The following KCNH1 variants were observed in gnomAD, a reference collection of about 807,000 sequenced individuals.
KCNH1 encodes the protein potassium voltage-gated channel subfamily H member 1.
In KCNH1, 27 loss-of-function variants were observed where a neutral mutation model predicts 69.2. That is an observed-to-expected ratio of 0.39 (90% CI 0.29 to 0.54). The LOEUF (loss-of-function observed/expected upper bound fraction) is 0.54, where lower values mean the gene tolerates loss of function less well. Ranked by LOEUF, KCNH1 falls within the 20% of genes least tolerant of loss-of-function variation. The pLI is 0.68. For synonymous variants in KCNH1, 456 were observed against 487.7 expected (o/e 0.93, Z 0.86); for missense variants, 798 against 1,261.6 (o/e 0.63, Z 5.57).
chr1:210,800,938 C>T (rs1160636953), intron 8 of KCNH1, among the ~76,000 whole-genome samples: 1 of 152,204 alleles, frequency 6.6e-6, no homozygotes, highest in Admixed American at 6.5e-5. Flanking sequence ...CAATACTTAG[C>T]TCCTCTCCCC....
intron 3 of KCNH1, among the ~76,000 whole-genome samples, chr1:211,098,250 T>C (rs148272310): frequency 0.019 from 2,844 of 148,690 alleles, 99 homozygotes; most frequent in African/African-American, 0.067. Flanking sequence ...GAGCCTGGGA[T>C]GCAGAGGTTG....
At chr1:210,845,710 T>C (rs1685527407) in intron 7 of KCNH1, among the ~76,000 whole-genome samples, 4 of 152,098 alleles carry the variant, frequency 2.6e-5, no homozygotes. Context: ...TTCAACATAG[T>C]GTTGGAAGTT....
chr1:211,055,138 C>A (rs538641831), intron 5 of KCNH1, among the ~76,000 whole-genome samples: 1 of 152,054 alleles, frequency 6.6e-6, no homozygotes, highest in East Asian at 1.9e-4. Context: ...CTGGTTTCAA[C>A]GTCATATAAA....
chr1:210,765,436 G>T (rs528853786), intron 10 of KCNH1, among the ~76,000 whole-genome samples: 1 of 152,272 alleles, frequency 6.6e-6, no homozygotes, highest in Admixed American at 6.5e-5. Context: ...GTATGGGCTT[G>T]GTGATTGCCA....
intron 6 of KCNH1, among the ~76,000 whole-genome samples, chr1:210,927,397 G>T (rs1687594857): frequency 6.6e-6 from 1 of 152,150 alleles, no homozygotes; most frequent in African/African-American, 2.4e-5. Context: ...ATGAACTAGG[G>T]TCCTATTTTT....
chr1:210,957,539 G>T (rs1328027636), intron 6 of KCNH1, among the ~76,000 whole-genome samples: 5 of 152,060 alleles, frequency 3.3e-5, no homozygotes, highest in Non-Finnish European at 7.4e-5. Flanking sequence ...TTATTATTGT[G>T]TGGGAGCCTA....
intron 6 of KCNH1, among the ~76,000 whole-genome samples, chr1:210,982,186 T>C (rs1688723093): frequency 6.6e-6 from 1 of 151,598 alleles, no homozygotes; most frequent in African/African-American, 2.4e-5. Context: ...GGGAATAAAA[T>C]TAAATAACAG....
At chr1:210,733,823 G>A (rs1374293800) in intron 10 of KCNH1, among the ~76,000 whole-genome samples, 1 of 152,112 alleles carries the variant, frequency 6.6e-6, no homozygotes, top group African/African-American at 2.4e-5. Flanking sequence ...GAAGGACAAG[G>A]AGAAGGGCAG....
chr1:210,766,879 T>C (rs767775983), intron 10 of KCNH1, among the ~76,000 whole-genome samples: 13 of 152,184 alleles, frequency 8.5e-5, no homozygotes, highest in South Asian at 2.1e-4. Context: ...CCCTTGGAAA[T>C]AGGGGAGAAC....
At chr1:211,030,107 A>G (rs1689755699) in intron 5 of KCNH1, among the ~76,000 whole-genome samples, 1 of 152,222 alleles carries the variant, frequency 6.6e-6, no homozygotes, top group Admixed American at 6.5e-5. Context: ...AGTTTAGCAC[A>G]ATTTCTATCA....
Position 210,853,946 on chromosome 1 carries a change from C to CAAAAAAAAAAAAAAAAAAAAAAA in KCNH1, c.1463-49781_1463-49780insTTTTTTTTTTTTTTTTTTTTTTT, listed in dbSNP as rs11445997. 4.6e-4 allele frequency among the ~76,000 whole-genome samples: 28 copies of CAAAAAAAAAAAAAAAAAAAAAAA among 61,532 alleles called. 4 individuals are homozygous for CAAAAAAAAAAAAAAAAAAAAAAA. Among genetic ancestry groups the CAAAAAAAAAAAAAAAAAAAAAAA allele is most frequent in the African/African-American group, 1.3e-3 (17 of 13,476 alleles). 40.4% of individuals were successfully genotyped at this position (61,532 alleles called of 152,430 possible). A position where few individuals can be genotyped will look rare whatever the true frequency, so the allele number is the denominator to read the frequency against. On this transcript the variant is annotated intron_variant, in intron 7 of 10. Transcript: ENST00000271751. ...TAGCAGTAAAAGCATTTATCTAAGC[C>CAAAAAAAAAAAAAAAAAAAAAAA]AAAAAAAAAAAAAAAAAAAAAAGAA...
At chr1:210,734,124 A>C (rs144816271) in intron 10 of KCNH1, among the ~76,000 whole-genome samples, 2 of 152,310 alleles carry the variant, frequency 1.3e-5, no homozygotes, top group East Asian at 3.9e-4. Flanking sequence ...CAAAACTTAA[A>C]ATTGACATAT....
intron 7 of KCNH1, among the ~76,000 whole-genome samples, chr1:210,918,035 T>C (rs1687383286): frequency 6.6e-6 from 1 of 152,106 alleles, no homozygotes; most frequent in Non-Finnish European, 1.5e-5. Flanking sequence ...ACAAATCAAT[T>C]ACCCCCTTAG....
chr1:211,122,358 A>G (rs189340142), intron 1 of KCNH1, among the ~76,000 whole-genome samples: 1 of 152,310 alleles, frequency 6.6e-6, no homozygotes, highest in Non-Finnish European at 1.5e-5. Context: ...AGAAATAGGA[A>G]CGCTTTTACA....
chr1:210,746,403 T>C (rs1683159804), intron 10 of KCNH1, among the ~76,000 whole-genome samples: 2 of 152,052 alleles, frequency 1.3e-5, no homozygotes, highest in African/African-American at 2.4e-5. Context: ...GTCATACAAT[T>C]ACTAAATGGT....
At chr1:211,118,069 G>A (rs1691614635) in intron 1 of KCNH1, among the ~76,000 whole-genome samples, 1 of 152,120 alleles carries the variant, frequency 6.6e-6, no homozygotes, top group Non-Finnish European at 1.5e-5. Context: ...TTTGGATTTG[G>A]GATATGATGT....
At chr1:210,858,997 C>T (rs1489656060) in intron 7 of KCNH1, 2 of 490,422 alleles carry the variant, frequency 4.1e-6, no homozygotes, top group African/African-American at 1.9e-5. Flanking sequence ...GTTTCTTTTC[C>T]AGTGCCAGGT....
At chr1:210,687,982 T>C (rs1444724091) in intron 10 of KCNH1, among the ~76,000 whole-genome samples, 1 of 152,146 alleles carries the variant, frequency 6.6e-6, no homozygotes, top group Non-Finnish European at 1.5e-5. Flanking sequence ...AACAAGTGTG[T>C]CCAAAGTATT....
intron 10 of KCNH1, among the ~76,000 whole-genome samples, chr1:210,752,564 A>G (rs1461046071): frequency 6.6e-6 from 1 of 152,230 alleles, no homozygotes; most frequent in Admixed American, 6.5e-5. Flanking sequence ...CACAGTTTAC[A>G]TAAGAATATT....
Sources: allele counts gnomAD v4.1 joint callset (sites outside exome capture counted in the v4.1 genomes callset), GRCh38; gene constraint gnomAD v4.1.1; transcripts MANE v1.5; gene names NCBI Gene and HGNC (gene_info 2026-07-23, HGNC 2026-07-21).